The following WDPCP variants were observed in gnomAD, a reference collection of about 807,000 sequenced individuals.
WDPCP encodes the protein WD repeat containing planar cell polarity effector.
WDPCP carries 71 observed loss-of-function variants against 93.1 expected under a neutral mutation model. The ratio of observed to expected loss-of-function variants is 0.76; its 90% CI spans 0.63 to 0.93. WDPCP has a LOEUF of 0.93. WDPCP is among the 40% of genes least tolerant of loss of function. WDPCP has a pLI of 0.00. For missense variants in WDPCP, 844 were observed against 887.4 expected (o/e 0.95, Z 0.62); for synonymous variants, 315 against 315.0 (o/e 1.00, Z 0.00).
At chr2:63,810,056 A>G (rs1670840261) in intron 2 of WDPCP, among the ~76,000 whole-genome samples, 1 of 152,226 alleles carries the variant, frequency 6.6e-6, no homozygotes, top group Admixed American at 6.5e-5. Context: ...TGGCTAATCT[A>G]TTTAGTGTAG....
chr2:63,404,751 G>T lies in WDPCP; in HGVS notation c.826-94C>A, dbSNP rs527715809. On this transcript the variant is annotated intron_variant, in intron 9 of 17. Transcript: ENST00000272321. The stretch of plus-strand genomic sequence containing the variant: ...CATATTTATTCAGAAACCTATTAAA[G>T]AAAATCAATTACTATCTTAAACATC... The T allele has an allele frequency of 8.2e-5, 123 of 1,495,520 alleles. No individual in the cohort carries two copies. In the African/African-American group the frequency reaches 1.7e-3, roughly 20 times the overall value. The allele number at this position is 1,495,520 out of a possible 1,614,324, so 92.6% of individuals were successfully genotyped here. A position where few individuals can be genotyped will look rare whatever the true frequency, so the allele number is the denominator to read the frequency against.
intron 15 of WDPCP, among the ~76,000 whole-genome samples, chr2:63,173,271 A>T (rs1489241862): frequency 1.3e-4 from 19 of 149,054 alleles, no homozygotes; most frequent in Admixed American, 1.3e-3. Context: ...TCTGTCGCAA[A>T]AAAAAAAAAA....
At chr2:63,447,431 G>A (rs1001519477) in intron 6 of WDPCP, among the ~76,000 whole-genome samples, 3 of 151,982 alleles carry the variant, frequency 2.0e-5, no homozygotes, top group African/African-American at 7.2e-5. Context: ...TAAAATATCT[G>A]GCCACAAATA....
intron 2 of WDPCP, among the ~76,000 whole-genome samples, chr2:63,742,273 G>A (rs1311422815): frequency 6.6e-6 from 1 of 151,912 alleles, no homozygotes; most frequent in African/African-American, 2.4e-5. Context: ...GAGGAAGGAA[G>A]GAAGGGAGAG....
At chr2:63,246,536 T>C (rs1272078645) in intron 14 of WDPCP, among the ~76,000 whole-genome samples, 1 of 152,206 alleles carries the variant, frequency 6.6e-6, no homozygotes, top group African/African-American at 2.4e-5. Flanking sequence ...AAGAGCATCC[T>C]ATCAGCAGTG....
chr2:63,772,035 T>C (rs540671183), intron 2 of WDPCP, among the ~76,000 whole-genome samples: 4 of 152,210 alleles, frequency 2.6e-5, no homozygotes, highest in South Asian at 2.1e-4. Flanking sequence ...TTTTGTAGAA[T>C]GACTTATTTT....
chr2:63,313,886 A>ATATTT, intron 12 of WDPCP, among the ~76,000 whole-genome samples: 43 of 74,464 alleles, frequency 5.8e-4, no homozygotes, highest in African/African-American at 7.7e-4. Flanking sequence ...ATATATATAT[A>ATATTT]TTTTTTTTTT....
At chr2:63,736,689 T>C (rs1669644517) in intron 2 of WDPCP, among the ~76,000 whole-genome samples, 1 of 152,214 alleles carries the variant, frequency 6.6e-6, no homozygotes, top group African/African-American at 2.4e-5. Context: ...AATAAGCTGC[T>C]TGCTGGTGCC....
At chr2:63,623,639 A>G (rs756820994) in intron 3 of WDPCP, among the ~76,000 whole-genome samples, 9 of 152,246 alleles carry the variant, frequency 5.9e-5, no homozygotes, top group Admixed American at 3.9e-4. Context: ...AGAGCTAACT[A>G]TCCTAAATAT....
At chr2:63,707,451 A>C (rs1370273171) in intron 2 of WDPCP, among the ~76,000 whole-genome samples, 3 of 151,986 alleles carry the variant, frequency 2.0e-5, no homozygotes, top group African/African-American at 4.8e-5. Flanking sequence ...CGTCACGTAG[A>C]TCTCGTGCCA....
chr2:63,592,631 T>A (rs1351326254), upstream of WDPCP, among the ~76,000 whole-genome samples: 4 of 152,250 alleles, frequency 2.6e-5, no homozygotes, highest in East Asian at 7.7e-4. Flanking sequence ...ATTGTAGGTG[T>A]GAGCCACTGC....
intron 9 of WDPCP, among the ~76,000 whole-genome samples, chr2:63,430,647 G>T (rs1046377533): frequency 2.0e-5 from 3 of 152,186 alleles, no homozygotes; most frequent in Non-Finnish European, 4.4e-5. Context: ...ACTTTGGGAG[G>T]CCGAGGCGGG....
chr2:63,783,124 G>T (rs1259356006), intron 2 of WDPCP, among the ~76,000 whole-genome samples: 1 of 151,926 alleles, frequency 6.6e-6, no homozygotes, highest in African/African-American at 2.4e-5. Flanking sequence ...ACATCAAAAA[G>T]ATACCTGGCC....
intron 1 of WDPCP, among the ~76,000 whole-genome samples, chr2:63,495,019 A>T (rs904071669): frequency 1.3e-5 from 2 of 152,002 alleles, no homozygotes; most frequent in Non-Finnish European, 2.9e-5. Flanking sequence ...GGTAAGGAGG[A>T]AACAGGCTAC....
intron 6 of WDPCP, among the ~76,000 whole-genome samples, chr2:63,482,087 T>C (rs1018136937): frequency 3.3e-5 from 5 of 151,976 alleles, no homozygotes; most frequent in Non-Finnish European, 7.4e-5. Context: ...CTTTGGTAAA[T>C]GATGAAAACT....
intron 1 of WDPCP, among the ~76,000 whole-genome samples, chr2:63,549,840 C>G (rs1466500616): frequency 1.3e-5 from 2 of 152,130 alleles, no homozygotes; most frequent in Non-Finnish European, 2.9e-5. Context: ...AGAACACACC[C>G]ACATCAGTGG....
chr2:63,757,412 ATCTG>A (rs1026756645), intron 2 of WDPCP, among the ~76,000 whole-genome samples: 2 of 152,092 alleles, frequency 1.3e-5, no homozygotes, highest in African/African-American at 4.8e-5. Context: ...AAGGCAGAAA[ATCTG>A]TCTTTTTTTT....
At chr2:63,692,187 C>A (rs1224420584) in intron 2 of WDPCP, among the ~76,000 whole-genome samples, 1 of 151,968 alleles carries the variant, frequency 6.6e-6, no homozygotes, top group Non-Finnish European at 1.5e-5. Context: ...ATATAAAACA[C>A]AGCATTGACC....
At chr2:63,721,888 C>A (rs897744321) in intron 2 of WDPCP, among the ~76,000 whole-genome samples, 13 of 152,192 alleles carry the variant, frequency 8.5e-5, no homozygotes, top group African/African-American at 3.1e-4. Flanking sequence ...TGCAGGCTCG[C>A]GCCGCCACGC....
Sources: allele counts gnomAD v4.1 joint callset (sites outside exome capture counted in the v4.1 genomes callset), GRCh38; gene constraint gnomAD v4.1.1; transcripts MANE v1.5; gene names NCBI Gene and HGNC (gene_info 2026-07-23, HGNC 2026-07-21).